The following CADM2 variants were observed in gnomAD, a reference collection of about 807,000 sequenced individuals.
CADM2 encodes immunoglobulin superfamily member 4D.
CADM2 carries 12 observed loss-of-function variants against 49.8 expected under a neutral mutation model. The ratio of observed to expected loss-of-function variants is 0.24; its 90% confidence interval spans 0.15 to 0.39. The LOEUF is 0.39. Ranked by LOEUF, CADM2 falls within the 10% of genes least tolerant of loss-of-function variation. CADM2 has a pLI of 1.00. For synonymous variants in CADM2, 214 were observed against 175.4 expected (o/e 1.22, Z -1.74); for missense variants, 378 against 492.3 (o/e 0.77, Z 2.20).
intron 3 of CADM2, among the ~76,000 whole-genome samples, chr3:85,848,363 T>A (rs1362660581): frequency 2.0e-5 from 3 of 152,146 alleles, no homozygotes; most frequent in Admixed American, 6.6e-5. Context: ...CCTATTATAT[T>A]TTAAAATGTA....
intron 1 of CADM2, among the ~76,000 whole-genome samples, chr3:85,683,225 A>G (rs1156847733): frequency 6.6e-6 from 1 of 151,976 alleles, no homozygotes; most frequent in Non-Finnish European, 1.5e-5. Flanking sequence ...CTTGAAGGAA[A>G]AAAAAGGATG....
chr3:85,590,644 C>A (rs556342351), intron 1 of CADM2, among the ~76,000 whole-genome samples: 3 of 151,404 alleles, frequency 2.0e-5, no homozygotes, highest in African/African-American at 7.3e-5. Flanking sequence ...CATTTAGGGA[C>A]AAGAATTAAA....
At chr3:85,650,600 T>C (rs545622128) in intron 1 of CADM2, among the ~76,000 whole-genome samples, 1 of 151,734 alleles carries the variant, frequency 6.6e-6, no homozygotes, top group East Asian at 2.0e-4. Context: ...GCAGCATTGG[T>C]GTAACCTAGG....
At chr3:85,475,706 ATTATAT>A (rs775739342) in intron 1 of CADM2, among the ~76,000 whole-genome samples, 18 of 151,956 alleles carry the variant, frequency 1.2e-4, no homozygotes, top group Non-Finnish European at 2.1e-4. Context: ...GAAACAATAC[ATTATAT>A]TTATCCAGCA....
chr3:85,948,060 A>G (rs757679562), intron 7 of CADM2, among the ~76,000 whole-genome samples: 5 of 151,342 alleles, frequency 3.3e-5, no homozygotes, highest in Non-Finnish European at 5.9e-5. Flanking sequence ...TCAGACATGC[A>G]CTCTTTTGCT....
At chr3:86,011,902 T>C (rs969600200) in intron 8 of CADM2, among the ~76,000 whole-genome samples, 3 of 152,048 alleles carry the variant, frequency 2.0e-5, no homozygotes, top group African/African-American at 7.2e-5. Flanking sequence ...TAGAGAGAAA[T>C]AATAATGTTG....
chr3:85,398,163 C>T lies in CADM2; in HGVS notation c.62-328359C>T, dbSNP rs558546244. On this transcript the variant is annotated intron_variant, in intron 1 of 9. Coordinates refer to ENST00000383699, the MANE Select transcript of CADM2 (RefSeq NM_001167675.2). The stretch of plus-strand genomic sequence containing the variant: ...TAATGCTTTCCCTCCCCCCTTCCCC[C>T]ACCCCATGACAGGCTCCAGTGTGTG... 2.5e-4 allele frequency among the ~76,000 whole-genome samples: 38 copies of T among 152,188 alleles called. No individual in the cohort carries two copies. The Middle Eastern group carries it at 0.01, about 41-fold the overall frequency.
chr3:84,977,143 T>C (rs553393006), intron 1 of CADM2, among the ~76,000 whole-genome samples: 3 of 152,096 alleles, frequency 2.0e-5, no homozygotes, highest in East Asian at 3.9e-4. Flanking sequence ...CCTTTAAGTA[T>C]ATATTTCTTT....
intron 1 of CADM2, among the ~76,000 whole-genome samples, chr3:85,647,992 A>G (rs1380466354): frequency 6.6e-6 from 1 of 151,760 alleles, no homozygotes; most frequent in African/African-American, 2.4e-5. Context: ...CATTTTTATT[A>G]ATTTTCTTTC....
At chr3:85,768,793 A>G (rs2069824930) in intron 2 of CADM2, among the ~76,000 whole-genome samples, 2 of 119,464 alleles carry the variant, frequency 1.7e-5, no homozygotes, top group Non-Finnish European at 3.2e-5. Flanking sequence ...TATAGTATAT[A>G]TACACATATA....
At chr3:85,056,527 GA>G (rs2036086164) in intron 1 of CADM2, among the ~76,000 whole-genome samples, 1 of 152,006 alleles carries the variant, frequency 6.6e-6, no homozygotes, top group Non-Finnish European at 1.5e-5. Flanking sequence ...AGATATAAAA[GA>G]TAGGGGCCTT....
intron 1 of CADM2, among the ~76,000 whole-genome samples, chr3:85,375,258 A>G (rs1332005426): frequency 1.3e-5 from 2 of 152,180 alleles, no homozygotes; most frequent in Non-Finnish European, 2.9e-5. Flanking sequence ...ACTATATGAT[A>G]ATAGAGTTAG....
chr3:86,013,494 C>T (rs1039574100), intron 8 of CADM2: 15 of 1,603,278 alleles, frequency 9.4e-6, no homozygotes, highest in South Asian at 2.2e-5. Flanking sequence ...TCTGAGAAAG[C>T]GCTTTGAGAC....
At chr3:84,980,977 A>AT (rs142858661) in intron 1 of CADM2, among the ~76,000 whole-genome samples, 10,124 of 151,684 alleles carry the variant, frequency 0.067, 1,180 homozygotes, top group African/African-American at 0.23. Context: ...TAATATAGGA[A>AT]TTTTTTTTTA....
chr3:85,512,377 G>C (rs906341083), intron 1 of CADM2, among the ~76,000 whole-genome samples: 1 of 152,032 alleles, frequency 6.6e-6, no homozygotes, highest in Non-Finnish European at 1.5e-5. Context: ...ATAGTATTCC[G>C]TGGTGTATGT....
intron 2 of CADM2, among the ~76,000 whole-genome samples, chr3:85,765,154 C>T (rs1158569667): frequency 6.6e-6 from 1 of 152,002 alleles, no homozygotes; most frequent in Non-Finnish European, 1.5e-5. Flanking sequence ...CAAAGAAACG[C>T]TTCAGTGAAT....
At chr3:85,001,929 A>G (rs1407905339) in intron 1 of CADM2, among the ~76,000 whole-genome samples, 1 of 152,144 alleles carries the variant, frequency 6.6e-6, no homozygotes, top group African/African-American at 2.4e-5. Flanking sequence ...AGTTGCAGAG[A>G]AACTTAATTG....
chr3:85,483,293 T>C (rs956281440), intron 1 of CADM2, among the ~76,000 whole-genome samples: 1 of 151,518 alleles, frequency 6.6e-6, no homozygotes, highest in Non-Finnish European at 1.5e-5. Flanking sequence ...TAAGATTTTG[T>C]ATATATTGAA....
intron 1 of CADM2, among the ~76,000 whole-genome samples, chr3:85,610,065 T>C (rs1029819619): frequency 1.3e-5 from 2 of 152,010 alleles, no homozygotes; most frequent in African/African-American, 4.8e-5. Flanking sequence ...AAAAATGATA[T>C]GTATATTTTA....
Sources: gnomAD v4.1 joint callset for allele counts (sites outside exome capture counted in the v4.1 genomes callset) on GRCh38, gnomAD v4.1.1 for gene constraint, MANE v1.5 for transcripts, NCBI Gene and HGNC (gene_info 2026-07-23, HGNC 2026-07-21) for gene names.